Variants in CCAR1 observed in about 807,000 individuals in gnomAD.
The protein encoded by CCAR1 is cell division cycle and apoptosis regulator 1, also known as cell division cycle and apoptosis regulator protein 1.
CCAR1 carries 78 observed loss-of-function variants against 163.8 expected under a neutral mutation model. The ratio of observed to expected loss-of-function variants is 0.48; its 90% CI spans 0.40 to 0.57. CCAR1 has a LOEUF of 0.57. CCAR1 is among the 20% of genes least tolerant of loss of function. The pLI is 0.00. For synonymous variants in CCAR1, 443 were observed against 460.7 expected (o/e 0.96, Z 0.49); for missense variants, 1,019 against 1,365.2 (o/e 0.75, Z 4.00).
chr10:68,723,168 C>T (rs997307872), intron 2 of CCAR1, among the ~76,000 whole-genome samples: 1 of 151,030 alleles, frequency 6.6e-6, no homozygotes, highest in African/African-American at 2.4e-5. Flanking sequence ...GTCGCCCAGG[C>T]TGGAGTGCAG....
intron 15 of CCAR1, among the ~76,000 whole-genome samples, chr10:68,758,930 C>T (rs1246411205): frequency 6.6e-6 from 1 of 152,078 alleles, no homozygotes; most frequent in Non-Finnish European, 1.5e-5. Context: ...CCTCAGCCTC[C>T]CAAAGTGCTG....
chr10:68,748,272 C>T (rs1049636644), intron 8 of CCAR1, among the ~76,000 whole-genome samples: 6 of 151,960 alleles, frequency 3.9e-5, no homozygotes, highest in African/African-American at 9.7e-5. Context: ...TGGTGGCAGG[C>T]GCCTGTAACC....
At chr10:68,732,012 A>G (rs964898540) in intron 2 of CCAR1, among the ~76,000 whole-genome samples, 1 of 152,090 alleles carries the variant, frequency 6.6e-6, no homozygotes, top group Admixed American at 6.6e-5. Context: ...AATACAGGAC[A>G]CCCAGAAAAA....
chr10:68,764,704 T>C (rs2133384596), intron 16 of CCAR1, among the ~76,000 whole-genome samples: 1 of 152,256 alleles, frequency 6.6e-6, no homozygotes, highest in African/African-American at 2.4e-5. Flanking sequence ...ACAGATAGGG[T>C]CAGATACATG....
chr10:68,726,328 TTA>T (rs1393350511), intron 2 of CCAR1, among the ~76,000 whole-genome samples: 1 of 151,970 alleles, frequency 6.6e-6, no homozygotes, highest in Non-Finnish European at 1.5e-5. Context: ...ATTTTTTATA[TTA>T]TTAGTAGAGA....
chr10:68,731,970 C>T (rs1487271419), intron 2 of CCAR1, among the ~76,000 whole-genome samples: 2 of 152,120 alleles, frequency 1.3e-5, no homozygotes, highest in Non-Finnish European at 2.9e-5. Flanking sequence ...GTCATCTTAC[C>T]TACTTGGTGC....
intron 19 of CCAR1, among the ~76,000 whole-genome samples, chr10:68,784,471 C>A (rs1017366583): frequency 1.3e-5 from 2 of 152,106 alleles, no homozygotes; most frequent in East Asian, 3.9e-4. Context: ...CCTCGGGCTG[C>A]CAAAGTGCTA....
At chr10:68,760,790 G>C in intron 15 of CCAR1, 2 of 296,172 alleles carry the variant, frequency 6.8e-6, no homozygotes, top group Admixed American at 1.0e-4. Context: ...CTTGAACCTG[G>C]GAGGCAGAGC....
intron 19 of CCAR1, among the ~76,000 whole-genome samples, chr10:68,776,682 G>A (rs1014620892): frequency 6.6e-6 from 1 of 152,184 alleles, no homozygotes; most frequent in Non-Finnish European, 1.5e-5. Context: ...CTTCCTGAGT[G>A]GCTGGGACTA....
At position 68,792,267 on chromosome 10, in the gene CCAR1, T is replaced by C. The variant is rs993880765; in HGVS notation, c.*1001T>C. 1.3e-5 allele frequency: 2 copies of C among 151,312 alleles called. No homozygotes were observed. The highest frequency in any genetic ancestry group is 3.0e-5 in the Non-Finnish European group (2 of 67,762). The allele number at this position is 151,312 out of a possible 1,614,324, so 9.4% of individuals were successfully genotyped here. A position where few individuals can be genotyped will look rare whatever the true frequency, so the allele number is the denominator to read the frequency against. The stretch of plus-strand genomic sequence containing the variant: ...TATATTCCTTTTAATTTTGAGGGTT[T>C]AAAAAAAAATGCAGTGTATGTCAAA... On this transcript the variant is annotated 3_prime_UTR_variant, in exon 25 of 25. Transcript: ENST00000265872.
At chr10:68,745,032 T>C (rs1396543233) in intron 6 of CCAR1, among the ~76,000 whole-genome samples, 1 of 151,958 alleles carries the variant, frequency 6.6e-6, no homozygotes, top group Non-Finnish European at 1.5e-5. Flanking sequence ...TGAGACAGAG[T>C]TTCTCTCTTG....
intron 4 of CCAR1, among the ~76,000 whole-genome samples, chr10:68,738,385 A>C (rs888783469): frequency 3.3e-5 from 5 of 152,080 alleles, no homozygotes; most frequent in African/African-American, 1.2e-4. Context: ...CCGAGATCAC[A>C]CCACTGTACT....
At chr10:68,745,014 AT>A (rs969338822) in intron 6 of CCAR1, among the ~76,000 whole-genome samples, 2 of 138,726 alleles carry the variant, frequency 1.4e-5, no homozygotes, top group Non-Finnish European at 1.6e-5. Context: ...TAATTAATTA[AT>A]TTTTTTTGAG....
rs2056072052 is a variant in CCAR1 at position 68,733,791 on chromosome 10, A to G, written c.74-3085A>G. Among the ~76,000 whole-genome samples, 6 of 151,946 alleles carry G rather than the reference A, an allele frequency of 3.9e-5. No homozygotes were observed. The South Asian group carries it at 1.0e-3, about 26-fold the overall frequency. ...TGATTCTCCTGCCTCAGCCTCCCGA[A>G]TAGCTGGGATGACAGGCTCACGCCA... On this transcript the variant is annotated intron_variant, in intron 2 of 24. Coordinates refer to ENST00000265872, the MANE Select transcript of CCAR1 (RefSeq NM_018237.4).
At chr10:68,746,363 G>A (rs1055152665) in intron 6 of CCAR1, among the ~76,000 whole-genome samples, 8 of 151,966 alleles carry the variant, frequency 5.3e-5, no homozygotes, top group East Asian at 1.9e-4. Context: ...TGCAACCTCC[G>A]CCTCTCGGGT....
At chr10:68,736,064 C>G (rs1471245490) in intron 2 of CCAR1, among the ~76,000 whole-genome samples, 5 of 151,876 alleles carry the variant, frequency 3.3e-5, no homozygotes, top group African/African-American at 1.2e-4. Flanking sequence ...TGTTGGCCAG[C>G]CTGGTCTCGA....
intron 19 of CCAR1, among the ~76,000 whole-genome samples, chr10:68,780,592 T>C (rs1200415818): frequency 6.6e-6 from 1 of 152,236 alleles, no homozygotes; most frequent in Non-Finnish European, 1.5e-5. Flanking sequence ...TTTGTTTTTT[T>C]TGCACTGCAC....
intron 16 of CCAR1, among the ~76,000 whole-genome samples, chr10:68,762,204 C>T (rs928385435): frequency 6.6e-6 from 1 of 152,006 alleles, no homozygotes; most frequent in African/African-American, 2.4e-5. Context: ...TTGCAGGCGC[C>T]TGTAGTCCCA....
intron 3 of CCAR1, among the ~76,000 whole-genome samples, chr10:68,737,569 C>T (rs569874229): frequency 6.6e-4 from 99 of 150,940 alleles, no homozygotes; most frequent in Non-Finnish European, 1.0e-3. Flanking sequence ...AGTTCTTATA[C>T]CTTAATTACA....
Sources: gnomAD v4.1 joint callset for allele counts (sites outside exome capture counted in the v4.1 genomes callset) on GRCh38, gnomAD v4.1.1 for gene constraint, MANE v1.5 for transcripts, NCBI Gene and HGNC (gene_info 2026-07-23, HGNC 2026-07-21) for gene names.